The following PCMTD1 variants were observed in gnomAD, a reference collection of about 807,000 sequenced individuals.
PCMTD1 encodes protein-L-isoaspartate (D-aspartate) O-methyltransferase domain containing 1.
PCMTD1 carries 12 observed loss-of-function variants against 37.6 expected under a neutral mutation model. The observed-to-expected ratio is 0.32, with a 90% CI of 0.20 to 0.52. PCMTD1 has a LOEUF of 0.52. Ranked by LOEUF, PCMTD1 falls within the 20% of genes least tolerant of loss-of-function variation. The probability of loss-of-function intolerance (pLI) is 0.97; values close to 1 mark genes in which losing one functional copy is unlikely to be tolerated. For synonymous variants in PCMTD1, 117 were observed against 135.8 expected, an observed-to-expected ratio of 0.86 and a Z score of 0.96; for missense variants, 235 against 421.3, an observed-to-expected ratio of 0.56 and a Z score of 3.87.
chr8:51,871,687 T>C (rs889428206), intron 1 of PCMTD1, among the ~76,000 whole-genome samples: 15 of 152,210 alleles, frequency 9.9e-5, no homozygotes, highest in African/African-American at 3.1e-4. Context: ...AGTTGCATGG[T>C]CTTAGCGAAC....
intron 1 of PCMTD1, among the ~76,000 whole-genome samples, chr8:51,881,492 C>A (rs1488159210): frequency 6.6e-6 from 1 of 152,152 alleles, no homozygotes; most frequent in African/African-American, 2.4e-5. Context: ...AATCCCATCC[C>A]ATTAGACAAG....
intron 5 of PCMTD1, 101 bp from the exon 6 acceptor site, chr8:51,820,819 T>C (rs1369444037): frequency 1.6e-6 from 2 of 1,287,962 alleles, no homozygotes; most frequent in African/African-American, 3.0e-5. Flanking sequence ...TAGCATATTT[T>C]AGAAAATACA....
chr8:51,841,281 CATT>C (rs1224816984), intron 3 of PCMTD1, among the ~76,000 whole-genome samples: 3 of 152,122 alleles, frequency 2.0e-5, no homozygotes, highest in Non-Finnish European at 4.4e-5. Flanking sequence ...TTTATCATCT[CATT>C]ATTGTTTTCA....
At chr8:51,846,332 C>T (rs2038219310) in intron 2 of PCMTD1, among the ~76,000 whole-genome samples, 1 of 152,100 alleles carries the variant, frequency 6.6e-6, no homozygotes, top group Admixed American at 6.6e-5. Flanking sequence ...CTCACTTAGG[C>T]TTTCTCTTTG....
At position 51,831,614 on chromosome 8, in the gene PCMTD1, A is replaced by C. The variant is rs781456702; in HGVS notation, c.583-47T>G. ...AGAAAGTGAACAACTTAATCCCAAC[A>C]ATGTGGTCACCTTACAGTCAAAACT... is the stretch of plus-strand genomic sequence containing the variant. On this transcript the variant is annotated intron_variant, in intron 4 of 5. Coordinates refer to ENST00000522514, the MANE Select transcript of PCMTD1 (RefSeq NM_052937.4). The C allele has an allele frequency of 3.8e-6, 6 of 1,572,242 alleles. No homozygotes were observed. The East Asian group carries it at 1.1e-4, about 30-fold the overall frequency.
chr8:51,885,410 G>T lies in PCMTD1; in HGVS notation c.-96+13520C>A, dbSNP rs143139791. On this transcript the variant is annotated intron_variant, in intron 1 of 5. Transcript: ENST00000522514. Reference sequence around the variant, plus strand: ...ACTGAGGGTGGCAGTTACCAATTCTGCCATCTTCAAGTTCCTGCCTAGGAC... The same window carrying T: ...ACTGAGGGTGGCAGTTACCAATTCTTCCATCTTCAAGTTCCTGCCTAGGAC... 2.3e-3 allele frequency among the ~76,000 whole-genome samples: 356 copies of T among 152,272 alleles called. 1 individual carries two copies. Among genetic ancestry groups the T allele is most frequent in the African/African-American group, 8.2e-3 (342 of 41,540 alleles).
chr8:51,860,912 T>C lies in PCMTD1; in HGVS notation c.240A>G (p.Pro80=). The C allele has an allele frequency of 6.2e-7, 1 of 1,614,074 alleles. No homozygotes were observed. Among genetic ancestry groups the C allele is most frequent in the East Asian group, 2.2e-5 (1 of 44,876 alleles). The change falls in exon 2 of 6, where the codon CCA becomes CCG. Residue 80 remains proline (P), a synonymous_variant. Transcript: ENST00000522514. ...TTCCCAGGTTAAGAAAAGACAATCC[T>C]GGTTGAAGTTTCAATGCTTCCATAA... ...SEVMEALKLQ[P]GLSFLNLGSG...
chr8:51,865,233 G>A (rs1481770608), intron 1 of PCMTD1, among the ~76,000 whole-genome samples: 1 of 152,010 alleles, frequency 6.6e-6, no homozygotes, highest in Non-Finnish European at 1.5e-5. Context: ...GCCTCAAGGT[G>A]GAATTACGCC....
At chr8:51,870,780 G>T (rs114647928) in intron 1 of PCMTD1, among the ~76,000 whole-genome samples, 164 of 152,248 alleles carry the variant, frequency 1.1e-3, no homozygotes, top group African/African-American at 3.6e-3. Context: ...TTAACTTTTA[G>T]CTGAAAAGAT....
At chr8:51,822,463 C>T (rs1261608640) in intron 5 of PCMTD1, among the ~76,000 whole-genome samples, 2 of 152,006 alleles carry the variant, frequency 1.3e-5, no homozygotes, top group Non-Finnish European at 2.9e-5. Flanking sequence ...CAGGGGAGAA[C>T]AGGTTGAGAA....
intron 1 of PCMTD1, among the ~76,000 whole-genome samples, chr8:51,868,785 C>T (rs952134469): frequency 1.3e-5 from 2 of 152,124 alleles, no homozygotes; most frequent in Admixed American, 1.3e-4. Context: ...TTATAAATTA[C>T]CTTTTTATTA....
At chr8:51,845,845 C>T (rs558167487) in intron 2 of PCMTD1, 82 bp from the exon 3 acceptor site, 130 of 890,278 alleles carry the variant, frequency 1.5e-4, no homozygotes, top group Non-Finnish European at 2.1e-4. Context: ...CTCATTTATA[C>T]ATCACAGGAG....
intron 1 of PCMTD1, among the ~76,000 whole-genome samples, chr8:51,881,421 C>T (rs557238914): frequency 2.0e-5 from 3 of 152,290 alleles, no homozygotes; most frequent in African/African-American, 7.2e-5. Context: ...GGTCCTTCTT[C>T]GTCCTCCACA....
rs1251570705 is a variant in PCMTD1, at chr8:51,831,444, G to A, written c.706C>T (p.Pro236Ser). The A allele has an allele frequency of 1.2e-6, 2 of 1,612,092 alleles. No individual in the cohort carries two copies. Among genetic ancestry groups the A allele is most frequent in the South Asian group, 1.1e-5 (1 of 90,724 alleles). Residue 236 changes from proline (P) to serine (S), a missense_variant and splice_region_variant, in exon 5 of 6, where the codon CCT becomes TCT. Coordinates refer to ENST00000522514, the MANE Select transcript of PCMTD1 (RefSeq NM_052937.4). ...TCAGAAAATATGAAGAGCTACTTACGGAGTCCCACAGAATCTGGTTTGCCA... is the reference window on the plus strand; with the variant it reads ...TCAGAAAATATGAAGAGCTACTTACAGAGTCCCACAGAATCTGGTTTGCCA... Reference protein sequence around the residue: ...DNGKPDSVGLPPCAVRNLQDL... With the variant: ...DNGKPDSVGLSPCAVRNLQDL...
chr8:51,897,671 T>G (rs139172542), intron 1 of PCMTD1, among the ~76,000 whole-genome samples: 2,338 of 152,298 alleles, frequency 0.015, 58 homozygotes, highest in African/African-American at 0.052. Context: ...TTCTGAAAGT[T>G]TTGCCACATT....
intron 1 of PCMTD1, among the ~76,000 whole-genome samples, chr8:51,892,967 A>C (rs957900874): frequency 6.6e-6 from 1 of 152,366 alleles, no homozygotes; most frequent in East Asian, 1.9e-4. Flanking sequence ...GTATCACTTA[A>C]AATTTGCAAC....
intron 5 of PCMTD1, among the ~76,000 whole-genome samples, chr8:51,825,896 C>G (rs756184778): frequency 6.6e-6 from 1 of 152,156 alleles, no homozygotes; most frequent in Non-Finnish European, 1.5e-5. Context: ...CACTTTTACA[C>G]TGTTGGTGGG....
At chr8:51,877,756 A>G (rs1025770514) in intron 1 of PCMTD1, among the ~76,000 whole-genome samples, 2 of 152,176 alleles carry the variant, frequency 1.3e-5, no homozygotes, top group African/African-American at 4.8e-5. Flanking sequence ...ACTAAGGGGG[A>G]AAAAGATACC....
chr8:51,854,932 T>TG (rs2038361524), intron 2 of PCMTD1, among the ~76,000 whole-genome samples: 1 of 149,778 alleles, frequency 6.7e-6, no homozygotes. Flanking sequence ...CCAAGCACTT[T>TG]GGGAGGCCAA....
Sources: allele counts gnomAD v4.1 joint callset (sites outside exome capture counted in the v4.1 genomes callset), GRCh38; gene constraint gnomAD v4.1.1; transcripts MANE v1.5; gene names NCBI Gene and HGNC (gene_info 2026-07-23, HGNC 2026-07-21).